MAST1: variants seen among roughly 807,000 people sequenced by gnomAD.
MAST1 encodes microtubule-associated serine/threonine-protein kinase 1.
Under a neutral mutation model 124.6 loss-of-function variants are expected in MAST1, and 40 were observed. The ratio of observed to expected loss-of-function variants is 0.32; its 90% CI spans 0.25 to 0.42. The LOEUF is 0.42. Among genes scored for constraint, MAST1 ranks in the 10% least tolerant of loss-of-function variants. The pLI, the probability that MAST1 is intolerant of heterozygous loss-of-function variation, is 1.00. For synonymous variants in MAST1, 938 were observed against 939.4 expected (o/e 1.00, Z 0.03); for missense variants, 1,558 against 2,181.9 (o/e 0.71, Z 5.70).
Position 12,847,397 on chromosome 19 carries a change from C to T in MAST1, c.435C>T (p.Asp145=), listed in dbSNP as rs747838927. ...TCGGGAGCACCGAGAGCATCACAGA[C>T]GAGGATGGTGGCCGTCGCTCCCCAG... ...KHFGSTESIT[D]EDGGRRSPAV... The change falls in exon 5 of 26, where the codon GAC becomes GAT. Residue 145 remains aspartate, a synonymous_variant. Transcript: ENST00000251472. This position sits in a 1 kb window ranked among gnomAD's most constrained non-coding sequence, Gnocchi z 5.5. 7.4e-6 allele frequency: 12 copies of T among 1,613,852 alleles called. No homozygotes were observed. The highest frequency in any genetic ancestry group is 6.7e-5 in the Admixed American group (4 of 59,992).
intron 4 of MAST1, among the ~76,000 whole-genome samples, chr19:12,844,091 C>G (rs1969863100): frequency 6.6e-6 from 1 of 152,206 alleles, no homozygotes; most frequent in Non-Finnish European, 1.5e-5. Flanking sequence ...TGGGTCCGCC[C>G]CACTCAGAGC....
rs758522111 is a variant in MAST1, at chr19:12,847,467, C to A, written c.488+17C>A. ...GAGCCTCAGGTGGGCAGGCATCCCT[C>A]CTCCTTCGTACCAAGCTAGTGGTCT... On this transcript the variant is annotated intron_variant, in intron 5 of 25. Transcript: ENST00000251472. The surrounding 1 kb of genome is among the most constrained non-coding windows in gnomAD (Gnocchi z 5.5). 3.1e-6 allele frequency: 5 copies of A among 1,613,352 alleles called. No homozygotes were observed. Among genetic ancestry groups the A allele is most frequent in the Non-Finnish European group, 4.2e-6 (5 of 1,179,756 alleles).
At position 12,843,645 on chromosome 19, in the gene MAST1, G is replaced by A. The variant is rs532728461; in HGVS notation, c.327+38G>A. ...AGTAGGTGGGTGGGCCGGTGGGTAA[G>A]GAATTCAGGGGCCCTCCAGCCTGAA... On this transcript the variant is annotated intron_variant, in intron 4 of 25. Transcript: ENST00000251472. The surrounding 1 kb of genome is among the most constrained non-coding windows in gnomAD (Gnocchi z 4.9). 4 of 1,580,092 alleles carry A rather than the reference G, an allele frequency of 2.5e-6. No homozygotes were observed. Among genetic ancestry groups the A allele is most frequent in the African/African-American group, 1.4e-5 (1 of 74,064 alleles).
intron 12 of MAST1, among the ~76,000 whole-genome samples, chr19:12,860,726 C>G (rs527350046): frequency 4.6e-5 from 7 of 152,016 alleles, no homozygotes; most frequent in Non-Finnish European, 1.0e-4. Context: ...GGATTACAGG[C>G]GTGAGCCATA....
chr19:12,853,374 G>C (rs1336042968), intron 10 of MAST1, among the ~76,000 whole-genome samples: 2 of 151,940 alleles, frequency 1.3e-5, no homozygotes. Flanking sequence ...TTTGTGCTAA[G>C]GCATTTGAGA....
Position 12,866,218 on chromosome 19 carries a change from G to A in MAST1, c.2029+116G>A. 1 of 1,366,758 alleles carries A rather than the reference G, an allele frequency of 7.3e-7. No homozygotes were observed. The highest frequency in any genetic ancestry group is 9.8e-7 in the Non-Finnish European group (1 of 1,025,454). The allele number at this position is 1,366,758 out of a possible 1,614,324, so 84.7% of individuals were successfully genotyped here. A position where few individuals can be genotyped will look rare whatever the true frequency, so the allele number is the denominator to read the frequency against. ...CTAAGTACCAAGATGTGATGCCTAG[G>A]TGCGAAGGTGGTATTTTGGTGGGGG... On this transcript the variant is annotated intron_variant, in intron 17 of 25. Coordinates refer to ENST00000251472, the MANE Select transcript of MAST1 (RefSeq NM_014975.3). The surrounding 1 kb of genome is among the most constrained non-coding windows in gnomAD (Gnocchi z 5.2).
chr19:12,860,331 T>C (rs1970064516), intron 12 of MAST1, among the ~76,000 whole-genome samples: 1 of 151,998 alleles, frequency 6.6e-6, no homozygotes, highest in Non-Finnish European at 1.5e-5. Context: ...TTGGCCAGGA[T>C]GGTCTCGATC....
Position 12,874,107 on chromosome 19 carries a change from T to C in MAST1, c.3950T>C (p.Val1317Ala). ...GAGTCCGACGGTGAGACGCCCCCAG[T>C]CGAGGGCCTTGGCGCGCCCCGGCAG... The part of the protein sequence containing the change: ...LAESDGETPP[V>A]EGLGAPRQVA... The change falls in exon 26 of 26, where the codon GTC becomes GCC. Residue 1317 changes from valine (V) to alanine (A), a missense_variant. Transcript: ENST00000251472. This position sits in a 1 kb window ranked among gnomAD's most constrained non-coding sequence, Gnocchi z 6.6. 1 of 1,554,120 alleles carries C rather than the reference T, an allele frequency of 6.4e-7. No homozygotes were observed. The highest frequency in any genetic ancestry group is 8.7e-7 in the Non-Finnish European group (1 of 1,152,064).
rs1436279166 is a variant in MAST1 at position 12,852,332 on chromosome 19, G to A, written c.1014G>A (p.Val338=). The A allele has an allele frequency of 6.2e-7, 1 of 1,613,958 alleles. No homozygotes were observed. The highest frequency in any genetic ancestry group is 1.3e-5 in the African/African-American group (1 of 74,906). The change falls in exon 10 of 26, where the codon GTG becomes GTA. Residue 338 remains valine (V), a synonymous_variant. Coordinates refer to ENST00000251472, the MANE Select transcript of MAST1 (RefSeq NM_014975.3). ...TCACTCTCAGTCCCTCCCTAGATGT[G>A]GTGCATCTGGAGGAACAGGACAGTG... ...LGLTRDPFPD[V]VHLEEQDSGG...
chr19:12,847,174 G>A lies in MAST1; in HGVS notation c.328-116G>A. On this transcript the variant is annotated intron_variant, in intron 4 of 25. Transcript: ENST00000251472. The surrounding 1 kb of genome is among the most constrained non-coding windows in gnomAD (Gnocchi z 5.5). The stretch of plus-strand genomic sequence containing the variant: ...CCTAGGATCCAAGGATCGTAAATCA[G>A]GTCCTGATCCTGGCCTTGCCCAGTG... The A allele has an allele frequency of 1.4e-6, 1 of 691,644 alleles. No individual in the cohort carries two copies. The highest frequency in any genetic ancestry group is 2.5e-6 in the Non-Finnish European group (1 of 396,198). 42.8% of individuals were successfully genotyped at this position (691,644 alleles called of 1,614,324 possible). A position where few individuals can be genotyped will look rare whatever the true frequency, so the allele number is the denominator to read the frequency against.
In MAST1 at chr19:12,870,883, C is replaced by T. The variant is rs758474799; in HGVS notation, c.3063C>T (p.Thr1021=). Residue 1021 remains threonine, a synonymous_variant, in exon 23 of 26, where the codon ACC becomes ACT. Coordinates refer to ENST00000251472, the MANE Select transcript of MAST1 (RefSeq NM_014975.3). The part of the protein sequence containing the change: ...EAGLCAGDLI[T]HVNGEPVHGM... ...GACTCTGTGCTGGGGACCTCATCAC[C>T]CACGTGAATGGGGAGCCTGTGCATG... 4 of 1,614,010 alleles carry T rather than the reference C, an allele frequency of 2.5e-6. No homozygotes were observed. The highest frequency in any genetic ancestry group is 1.1e-5 in the South Asian group (1 of 91,074).
intron 10 of MAST1, among the ~76,000 whole-genome samples, chr19:12,857,819 G>A (rs1425336982): frequency 6.6e-6 from 1 of 152,068 alleles, no homozygotes; most frequent in Non-Finnish European, 1.5e-5. Context: ...CTTCAGCCTA[G>A]GAGTTCAAGA....
chr19:12,846,010 G>C, intron 4 of MAST1, among the ~76,000 whole-genome samples: 1 of 151,736 alleles, frequency 6.6e-6, no homozygotes, highest in Non-Finnish European at 1.5e-5. Flanking sequence ...TTGAAGCCAG[G>C]AGTTGGAAGC....
At position 12,874,692 on chromosome 19, in the gene MAST1, T is replaced by G; in HGVS notation, c.4535T>G (p.Leu1512Arg). Reference protein sequence around the residue: ...KLSPEPQTPSLAPAKCSAPSS... With the variant: ...KLSPEPQTPSRAPAKCSAPSS... ...TCCCCGGAGCCCCAGACACCCTCCC[T>G]AGCCCCAGCGAAGTGCAGTGCACCC... Residue 1512 changes from leucine to arginine, a missense_variant, in exon 26 of 26, where the codon CTA becomes CGA. Coordinates refer to ENST00000251472, the MANE Select transcript of MAST1 (RefSeq NM_014975.3). This position sits in a 1 kb window ranked among gnomAD's most constrained non-coding sequence, Gnocchi z 6.6. 1 of 1,567,044 alleles carries G rather than the reference T, an allele frequency of 6.4e-7. No homozygotes were observed. The highest frequency in any genetic ancestry group is 8.7e-7 in the Non-Finnish European group (1 of 1,150,710).
chr19:12,840,829 T>G (rs1052476363), intron 2 of MAST1, among the ~76,000 whole-genome samples, 162 bp from the exon 3 acceptor site: 4 of 151,370 alleles, frequency 2.6e-5, no homozygotes, highest in African/African-American at 9.7e-5. Flanking sequence ...GGGGCCAGGC[T>G]GACTCGGCAA....
intron 10 of MAST1, among the ~76,000 whole-genome samples, chr19:12,853,391 T>A (rs1969985826): frequency 1.3e-5 from 2 of 151,976 alleles, no homozygotes; most frequent in Admixed American, 6.6e-5. Context: ...GAGACCAGCC[T>A]GGGCAGCATA....
intron 10 of MAST1, among the ~76,000 whole-genome samples, chr19:12,857,356 G>A (rs964081823): frequency 1.6e-4 from 24 of 151,630 alleles, no homozygotes; most frequent in Middle Eastern, 3.4e-3. Context: ...TGATCCGCCC[G>A]CCTTGGCCTC....
Position 12,838,729 on chromosome 19 carries a change from C to A in MAST1, c.83+74C>A. The A allele has an allele frequency of 1.5e-6, 2 of 1,365,144 alleles. No individual in the cohort carries two copies. The highest frequency in any genetic ancestry group is 1.0e-6 in the Non-Finnish European group (1 of 997,794). The allele number at this position is 1,365,144 out of a possible 1,614,324, so 84.6% of individuals were successfully genotyped here. On this transcript the variant is annotated intron_variant, in intron 1 of 25. Transcript: ENST00000251472. This position sits in a 1 kb window ranked among gnomAD's most constrained non-coding sequence, Gnocchi z 4.3. ...CGCCGCTCCGGGTACTGCTGCAGGG[C>A]GGGGCCCGGGATGCTGCGCCCGGTC...
In MAST1 at chr19:12,867,547, G is replaced by C; in HGVS notation, c.2213G>C (p.Arg738Pro). The change falls in exon 19 of 26, where the codon CGG becomes CCG. Residue 738 changes from arginine to proline, a missense_variant. Transcript: ENST00000251472. Reference protein sequence around the residue: ...TPVAAAGSSKREPSTKGPEEK... With the variant: ...TPVAAAGSSKPEPSTKGPEEK... Reference sequence around the variant, plus strand: ...GTAGCAGCTGCAGGGAGCAGCAAGCGGGAGCCGAGCACCAAGGGCCCCGAG... The same window carrying C: ...GTAGCAGCTGCAGGGAGCAGCAAGCCGGAGCCGAGCACCAAGGGCCCCGAG... The C allele has an allele frequency of 6.2e-7, 1 of 1,613,750 alleles. No homozygotes were observed. Among genetic ancestry groups the C allele is most frequent in the Non-Finnish European group, 8.5e-7 (1 of 1,179,952 alleles).
Sources: gnomAD v4.1 joint callset for allele counts (sites outside exome capture counted in the v4.1 genomes callset) on GRCh38, gnomAD v4.1.1 for gene constraint, Gnocchi (gnomAD v3.1) non-coding constraint, MANE v1.5 for transcripts, NCBI Gene and HGNC (gene_info 2026-07-23, HGNC 2026-07-21) for gene names.